TMC8: variants seen among roughly 807,000 people sequenced by gnomAD.
The protein encoded by TMC8 is transmembrane channel-like protein 8.
Under a neutral mutation model 76.0 loss-of-function variants are expected in TMC8, and 71 were observed. That is an observed-to-expected ratio of 0.93 (90% confidence interval 0.77 to 1.14). The LOEUF is 1.14. Ranked by LOEUF, TMC8 falls within the 50% of genes most tolerant of loss-of-function variation. The pLI is 0.00. For missense variants in TMC8, 924 were observed against 947.9 expected, an observed-to-expected ratio of 0.97 and a Z score of 0.33; for synonymous variants, 433 against 433.8, an observed-to-expected ratio of 1.00 and a Z score of 0.02.
In TMC8 at chr17:78,138,051, C is replaced by T. The variant is rs149327841; in HGVS notation, c.1396C>T (p.Arg466Trp). ...FSGRFWAWLE[R>W]EEFLVPKNVL... ...AGGCCGGTTCTGGGCCTGGCTGGAA[C>T]GGGAGGAGTTCCTGGTCCCCAAGAA... Residue 466 changes from arginine (R) to tryptophan (W), a missense_variant, in exon 12 of 16, where the codon CGG becomes TGG. Transcript: ENST00000318430. The T allele has an allele frequency of 3.5e-5, 56 of 1,614,016 alleles. No homozygotes were observed. The highest frequency in any genetic ancestry group is 5.0e-5 in the Admixed American group (3 of 60,018).
intron 12 of TMC8, 23 bp downstream of exon 12, chr17:78,138,211 T>TA (rs2075285879): frequency 6.2e-7 from 1 of 1,612,382 alleles, no homozygotes; most frequent in Non-Finnish European, 8.5e-7. Flanking sequence ...GGCTGGGGGG[T>TA]ATGGGGTTCG....
At chr17:78,137,202 G>C in intron 9 of TMC8, 33 bp from the exon 10 acceptor site, 1 of 1,612,210 alleles carries the variant, frequency 6.2e-7, no homozygotes, top group Non-Finnish European at 8.5e-7. Context: ...CATGTGCCTG[G>C]GCCCCTCCAC....
chr17:78,133,336 T>C, intron 5 of TMC8, 70 bp from the exon 6 acceptor site: 3 of 1,610,880 alleles, frequency 1.9e-6, no homozygotes, highest in Non-Finnish European at 2.5e-6. Context: ...GCTAACAAGA[T>C]CATATATGGA....
chr17:78,138,932 C>T (rs1451307721), intron 14 of TMC8, 200 bp downstream of exon 14: 7 of 1,536,390 alleles, frequency 4.6e-6, no homozygotes, highest in South Asian at 2.4e-5. Flanking sequence ...GGGGAAGCAC[C>T]GTGTCTGGGT....
At position 78,141,329 on chromosome 17, in the gene TMC8, TTG is replaced by T. The variant is rs2075369272; in HGVS notation, c.*221_*222del. 5.1e-6 allele frequency: 2 copies of T among 393,578 alleles called. No homozygotes were observed. The highest frequency in any genetic ancestry group is 8.9e-6 in the Non-Finnish European group (2 of 223,904). The allele number at this position is 393,578 out of a possible 1,614,324, so 24.4% of individuals were successfully genotyped here. A position where few individuals can be genotyped will look rare whatever the true frequency, so the allele number is the denominator to read the frequency against. Reference sequence around the variant, plus strand: ...ATCCCTTTAAAATGTCTATTTTTTATTGTGTTTTTTATAATATACATAATCTA... The same window carrying T: ...ATCCCTTTAAAATGTCTATTTTTTATTGTTTTTTATAATATACATAATCTA... On this transcript the variant is annotated 3_prime_UTR_variant, in exon 16 of 16. Coordinates refer to ENST00000318430, the MANE Select transcript of TMC8 (RefSeq NM_152468.5).
rs2145576393 is a variant in TMC8, at chr17:78,131,934, C to G, written c.202C>G (p.Arg68Gly). 1 of 1,504,158 alleles carries G rather than the reference C, an allele frequency of 6.6e-7. No individual in the cohort carries two copies. The highest frequency in any genetic ancestry group is 2.1e-4 in the Middle Eastern group (1 of 4,774). The allele number at this position is 1,504,158 out of a possible 1,614,324, so 93.2% of individuals were successfully genotyped here. Residue 68 changes from arginine to glycine, a missense_variant, in exon 3 of 16, where the codon CGC becomes GGC. Arg to Gly is a moderately radical substitution (Grantham distance 125, BLOSUM62 -2). Transcript: ENST00000318430. ...GACCTTGCGCTGGCAGCGGTGGCAG[C>G]GCCGGCGGCAGACGGTGGAAAGGCG... ...VQTLRWQRWQRRRQTVERRLR... is the reference protein window; with the variant it reads ...VQTLRWQRWQGRRQTVERRLR...
At position 78,141,333 on chromosome 17, in the gene TMC8, GT is replaced by G. The variant is rs111386014; in HGVS notation, c.*227del. On this transcript the variant is annotated 3_prime_UTR_variant, in exon 16 of 16. Coordinates refer to ENST00000318430, the MANE Select transcript of TMC8 (RefSeq NM_152468.5). ...CTTTAAAATGTCTATTTTTTATTGT[GT>G]TTTTTATAATATACATAATCTATTA... 15 of 393,134 alleles carry G rather than the reference GT, an allele frequency of 3.8e-5. No homozygotes were observed. Among genetic ancestry groups the G allele is most frequent in the Non-Finnish European group, 3.2e-5 (7 of 221,770 alleles). The allele number at this position is 393,134 out of a possible 1,614,324, so 24.4% of individuals were successfully genotyped here.
At position 78,132,449 on chromosome 17, in the gene TMC8, T is replaced by A; in HGVS notation, c.389T>A (p.Phe130Tyr). 6.2e-7 allele frequency: 1 copy of A among 1,612,688 alleles called. No individual in the cohort carries two copies. Among genetic ancestry groups the A allele is most frequent in the South Asian group, 1.1e-5 (1 of 90,820 alleles). ...NLLSLLLTASFVLLPLVWLRP... is the reference protein window; with the variant it reads ...NLLSLLLTASYVLLPLVWLRP... The stretch of plus-strand genomic sequence containing the variant: ...CTGAGCCTGCTGCTCACCGCAAGCT[T>A]CGTGCTGCTGCCCCTGGTCTGGCTC... Residue 130 changes from phenylalanine to tyrosine, a missense_variant, in exon 4 of 16, where the codon TTC (phenylalanine) becomes TAC (tyrosine). Coordinates refer to ENST00000318430, the MANE Select transcript of TMC8 (RefSeq NM_152468.5).
chr17:78,132,738 C>T lies in TMC8; in HGVS notation c.449-50C>T, dbSNP rs865835205. 1.8e-5 allele frequency: 28 copies of T among 1,586,372 alleles called. No homozygotes were observed. The African/African-American group carries it at 1.9e-4, about 11-fold the overall frequency. ...TTATAGAGCAGTAGCCGCAGAGCCT[C>T]ACCTATGCCTTGGGGATCCCTCTCT... On this transcript the variant is annotated intron_variant, in intron 4 of 15. Transcript: ENST00000318430.
At position 78,142,905 on chromosome 17, in the gene TMC8, A is replaced by T. The variant is rs1001567389; in HGVS notation, c.*1793A>T. 1 of 150,968 alleles carries T rather than the reference A, an allele frequency of 6.6e-6. No individual in the cohort carries two copies. Among genetic ancestry groups the T allele is most frequent in the Non-Finnish European group, 1.5e-5 (1 of 67,810 alleles). The allele number at this position is 150,968 out of a possible 1,614,324, so 9.4% of individuals were successfully genotyped here. On this transcript the variant is annotated 3_prime_UTR_variant, in exon 16 of 16. Transcript: ENST00000318430. Reference sequence around the variant, plus strand: ...ACTCTGGGCCTCGGTGTGCTCACCCAGGGCGAGACAAAGACGCCATGCTCC... The same window carrying T: ...ACTCTGGGCCTCGGTGTGCTCACCCTGGGCGAGACAAAGACGCCATGCTCC...
intron 9 of TMC8, 107 bp downstream of exon 9, chr17:78,135,116 C>A: frequency 6.9e-7 from 1 of 1,459,698 alleles, no homozygotes; most frequent in Non-Finnish European, 9.5e-7. Flanking sequence ...GAGAGGCTTC[C>A]CCCTTCACTA....
At chr17:78,140,471 A>T (rs2075344999) in intron 15 of TMC8, among the ~76,000 whole-genome samples, 4 of 146,928 alleles carry the variant, frequency 2.7e-5, no homozygotes, top group South Asian at 4.3e-4. Context: ...ACGGACTCTT[A>T]GCGGGCGTGG....
intron 8 of TMC8, 104 bp from the exon 9 acceptor site, chr17:78,134,766 A>C: frequency 6.3e-7 from 1 of 1,587,380 alleles, no homozygotes; most frequent in Non-Finnish European, 8.6e-7. Flanking sequence ...AGGCGACCCT[A>C]TTCTGGGCCT....
chr17:78,133,865 G>A lies in TMC8; in HGVS notation c.681G>A (p.Gly227=). Residue 227 remains glycine, a synonymous_variant, in exon 7 of 16, where the codon GGG becomes GGA. Coordinates refer to ENST00000318430, the MANE Select transcript of TMC8 (RefSeq NM_152468.5). ...FCGTLRRMVK[G]LPQKTLLGQG... Reference sequence around the variant, plus strand: ...TCCTGCCCCGCAGGATGGTGAAGGGGCTGCCGCAGAAGACTCTGCTGGGTC... The same window carrying A: ...TCCTGCCCCGCAGGATGGTGAAGGGACTGCCGCAGAAGACTCTGCTGGGTC... 1 of 1,613,250 alleles carries A rather than the reference G, an allele frequency of 6.2e-7. No individual in the cohort carries two copies. Among genetic ancestry groups the A allele is most frequent in the Non-Finnish European group, 8.5e-7 (1 of 1,180,042 alleles).
Position 78,140,858 on chromosome 17 carries a change from G to T in TMC8, c.1927G>T (p.Val643Leu). The change falls in exon 16 of 16, where the codon GTG becomes TTG. Residue 643 changes from valine (V) to leucine (L), a missense_variant. Physicochemically the swap from Val to Leu is conservative, Grantham distance 32 (BLOSUM62 1). Transcript: ENST00000318430. ...GCAGGTTCAGGAGAAGTGGCACCTG[G>T]TGGAGGACCTGTCGCGACTGCTGCC... ...VWQVQEKWHLVEDLSRLLPEP... is the reference protein window; with the variant it reads ...VWQVQEKWHLLEDLSRLLPEP... 1 of 1,610,058 alleles carries T rather than the reference G, an allele frequency of 6.2e-7. No individual in the cohort carries two copies. Among genetic ancestry groups the T allele is most frequent in the African/African-American group, 1.3e-5 (1 of 75,024 alleles).
chr17:78,131,620 G>T lies in TMC8; in HGVS notation c.32G>T (p.Arg11Leu). The T allele has an allele frequency of 1.3e-6, 2 of 1,550,838 alleles. No individual in the cohort carries two copies. Among genetic ancestry groups the T allele is most frequent in the Non-Finnish European group, 8.7e-7 (1 of 1,148,602 alleles). Reference protein sequence around the residue: MLLPRSVSSERAPGVPEPEEL... With the variant: MLLPRSVSSELAPGVPEPEEL... Reference sequence around the variant, plus strand: ...CTGCCGCGGTCGGTGTCATCGGAGCGGGCCCCTGGGGTGCCGGAGCCGGAG... The same window carrying T: ...CTGCCGCGGTCGGTGTCATCGGAGCTGGCCCCTGGGGTGCCGGAGCCGGAG... The change falls in exon 2 of 16, where the codon CGG becomes CTG. Residue 11 changes from arginine (R) to leucine (L), a missense_variant. Physicochemically the swap from Arg to Leu is moderately radical, Grantham distance 102 (BLOSUM62 -2). Transcript: ENST00000318430.
intron 8 of TMC8, 46 bp from the exon 9 acceptor site, chr17:78,134,824 G>A (rs766225488): frequency 6.2e-7 from 1 of 1,610,806 alleles, no homozygotes; most frequent in Admixed American, 1.7e-5. Context: ...GGAGCAGACA[G>A]GGGCCCCCCA....
At chr17:78,136,893 C>G (rs940050525) in intron 9 of TMC8, 1 of 351,878 alleles carries the variant, frequency 2.8e-6, no homozygotes, top group Non-Finnish European at 5.6e-6. Flanking sequence ...GAAACCCTGT[C>G]TGTACTCAAA....
chr17:78,134,899 G>T lies in TMC8; in HGVS notation c.1017G>T (p.Leu339=), dbSNP rs1267517486. ...CCCTGTTTCTGCTGCTCCAGTACCTGCCCCCTGGGGTCATCGCCCTGGTCA... is the reference window on the plus strand; with the variant it reads ...CCCTGTTTCTGCTGCTCCAGTACCTTCCCCCTGGGGTCATCGCCCTGGTCA... ...EESLFLLLQY[L]PPGVIALVNF... is the part of the protein sequence containing the mutation. The change falls in exon 9 of 16, where the codon CTG becomes CTT. Residue 339 remains leucine, a synonymous_variant. Transcript: ENST00000318430. 6.2e-7 allele frequency: 1 copy of T among 1,613,934 alleles called. No individual in the cohort carries two copies. Among genetic ancestry groups the T allele is most frequent in the East Asian group, 2.2e-5 (1 of 44,882 alleles).
Sources: gnomAD v4.1 joint callset for allele counts (sites outside exome capture counted in the v4.1 genomes callset) on GRCh38, gnomAD v4.1.1 for gene constraint, MANE v1.5 for transcripts, NCBI Gene and HGNC (gene_info 2026-07-23, HGNC 2026-07-21) for gene names.